Variants in TRIO observed in about 807,000 individuals in gnomAD.
The protein encoded by TRIO is trio Rho guanine nucleotide exchange factor.
Under a neutral mutation model 351.9 loss-of-function variants are expected in TRIO, and 58 were observed. That is an observed-to-expected ratio of 0.16 (90% CI 0.13 to 0.21). The LOEUF (loss-of-function observed/expected upper bound fraction) is 0.21. Ranked by LOEUF, TRIO falls within the 10% of genes least tolerant of loss-of-function variation. The pLI, the probability that TRIO is intolerant of heterozygous loss-of-function variation, is 1.00. For missense variants in TRIO, 3,201 were observed against 4,027.8 expected, an observed-to-expected ratio of 0.79 and a Z score of 5.56; for synonymous variants, 1,758 against 1,595.7, an observed-to-expected ratio of 1.10 and a Z score of -2.42.
At chr5:14,364,613 C>T (rs767253370) in intron 14 of TRIO, 37 bp from the exon 15 acceptor site, 1 of 1,576,602 alleles carries the variant, frequency 6.3e-7, no homozygotes, top group East Asian at 2.3e-5. Flanking sequence ...GGTTGAAGTG[C>T]TAGCTGAATT....
chr5:14,164,867 C>T (rs946599341), intron 1 of TRIO, among the ~76,000 whole-genome samples: 1 of 152,162 alleles, frequency 6.6e-6, no homozygotes, highest in Non-Finnish European at 1.5e-5. Context: ...CTAAGTGTTG[C>T]TGTCATTTTG....
At chr5:14,160,419 T>C (rs963498600) in intron 1 of TRIO, among the ~76,000 whole-genome samples, 6 of 152,218 alleles carry the variant, frequency 3.9e-5, no homozygotes, top group Admixed American at 3.9e-4. Flanking sequence ...CATTATTTAA[T>C]ATACATGACA....
chr5:14,393,887 T>C (rs1246010671), intron 27 of TRIO, 151 bp from the exon 28 acceptor site: 1 of 471,808 alleles, frequency 2.1e-6, no homozygotes, highest in South Asian at 6.2e-5. Flanking sequence ...TGTTAATAAT[T>C]TAAAAGCCTC....
chr5:14,379,340 G>A (rs1245562394), intron 20 of TRIO, among the ~76,000 whole-genome samples: 1 of 152,222 alleles, frequency 6.6e-6, no homozygotes, highest in Non-Finnish European at 1.5e-5. Context: ...TCTTAGCAGA[G>A]GTTTCCCACT....
At chr5:14,187,997 GT>G (rs1790228760) in intron 1 of TRIO, among the ~76,000 whole-genome samples, 1 of 152,204 alleles carries the variant, frequency 6.6e-6, no homozygotes. Flanking sequence ...AAACCCGGAT[GT>G]CTTTGCTTTT....
At chr5:14,216,928 C>T (rs1439164358) in intron 1 of TRIO, among the ~76,000 whole-genome samples, 2 of 152,198 alleles carry the variant, frequency 1.3e-5, no homozygotes, top group African/African-American at 4.8e-5. Flanking sequence ...AATCTAGCAG[C>T]CTGGCCAGAG....
chr5:14,309,655 A>G (rs1355749525), intron 8 of TRIO, among the ~76,000 whole-genome samples: 1 of 152,198 alleles, frequency 6.6e-6, no homozygotes, highest in Non-Finnish European at 1.5e-5. Context: ...CATGCTGAGC[A>G]GCACTCCTGA....
At chr5:14,495,061 G>A (rs1386707268) in intron 49 of TRIO, among the ~76,000 whole-genome samples, 1 of 152,224 alleles carries the variant, frequency 6.6e-6, no homozygotes, top group Non-Finnish European at 1.5e-5. Flanking sequence ...GAGAAGGTCA[G>A]AATGTTAACA....
Position 14,374,285 on chromosome 5 carries a change from C to G in TRIO, c.3273C>G (p.Asn1091Lys). The G allele has an allele frequency of 6.2e-7, 1 of 1,613,766 alleles. No homozygotes were observed. Among genetic ancestry groups the G allele is most frequent in the Non-Finnish European group, 8.5e-7 (1 of 1,179,800 alleles). The change falls in exon 19 of 57, where the codon AAC becomes AAG. Residue 1091 changes from asparagine to lysine, a missense_variant. By Grantham distance (94) the Asn-to-Lys change is moderately conservative. Around this residue, in one of 19 missense-constraint regions of TRIO, gnomAD observed 201 missense variants for 266.5 expected, o/e 0.75. Coordinates refer to ENST00000344204, the MANE Select transcript of TRIO (RefSeq NM_007118.4). Reference sequence around the variant, plus strand: ...TCTTCCTGAAATACCTGCACAGGAACAGCGTGAACATGCCAGGAATGGTGA... The same window carrying G: ...TCTTCCTGAAATACCTGCACAGGAAGAGCGTGAACATGCCAGGAATGGTGA... ...ADVFLKYLHR[N>K]SVNMPGMVTH... is the part of the protein sequence containing the mutation.
At chr5:14,341,905 C>A (rs1411840143) in intron 11 of TRIO, among the ~76,000 whole-genome samples, 2 of 152,220 alleles carry the variant, frequency 1.3e-5, no homozygotes, top group African/African-American at 4.8e-5. Context: ...TGCAAACTTA[C>A]ACACTGAACT....
intron 1 of TRIO, among the ~76,000 whole-genome samples, chr5:14,238,405 C>T (rs1372298204): frequency 6.6e-6 from 1 of 152,176 alleles, no homozygotes. Context: ...TAAGTAAACT[C>T]GAAGCCAAGT....
In TRIO at chr5:14,509,539, TATG is replaced by T; in HGVS notation, c.*1118_*1120del. 1 of 377,752 alleles carries T rather than the reference TATG, an allele frequency of 2.6e-6. No homozygotes were observed. Among genetic ancestry groups the T allele is most frequent in the Non-Finnish European group, 5.2e-6 (1 of 193,454 alleles). The allele number at this position is 377,752 out of a possible 1,614,324, so 23.4% of individuals were successfully genotyped here. Reference sequence around the variant, plus strand: ...AATAGGGTAATGTTTTAAAATTTATTATGCTATTATTCAGAATGCCAAAGTATT... The same window carrying T: ...AATAGGGTAATGTTTTAAAATTTATTCTATTATTCAGAATGCCAAAGTATT... On this transcript the variant is annotated 3_prime_UTR_variant, in exon 57 of 57. Coordinates refer to ENST00000344204, the MANE Select transcript of TRIO (RefSeq NM_007118.4).
chr5:14,481,747 T>C, intron 45 of TRIO, 129 bp downstream of exon 45: 1 of 478,698 alleles, frequency 2.1e-6, no homozygotes, highest in Non-Finnish European at 3.7e-6. Flanking sequence ...TCACTTTACC[T>C]CAATCTGATT....
intron 1 of TRIO, among the ~76,000 whole-genome samples, chr5:14,259,643 C>G (rs1795228297): frequency 6.6e-6 from 1 of 152,188 alleles, no homozygotes; most frequent in Non-Finnish European, 1.5e-5. Flanking sequence ...GACAGTTGGA[C>G]AGGTATGGCC....
chr5:14,176,831 AAG>A, intron 1 of TRIO, among the ~76,000 whole-genome samples: 1 of 152,352 alleles, frequency 6.6e-6, no homozygotes, highest in East Asian at 1.9e-4. Flanking sequence ...AGTAAATGGA[AAG>A]AGCCAAAACA....
At chr5:14,448,062 C>T (rs529242947) in intron 34 of TRIO, among the ~76,000 whole-genome samples, 10 of 152,346 alleles carry the variant, frequency 6.6e-5, no homozygotes, top group South Asian at 4.1e-4. Flanking sequence ...GGGAGAACTT[C>T]GGTATCCCTC....
At chr5:14,440,723 C>T (rs1751960116) in intron 34 of TRIO, 2 of 152,104 alleles carry the variant, frequency 1.3e-5, no homozygotes, top group African/African-American at 4.8e-5. Context: ...CAAGTCACAT[C>T]AGGAGGTGCT....
chr5:14,375,207 A>G (rs1374269368), intron 19 of TRIO, among the ~76,000 whole-genome samples: 2 of 152,190 alleles, frequency 1.3e-5, no homozygotes, highest in Non-Finnish European at 2.9e-5. Flanking sequence ...TTCTGGAAAA[A>G]TGTGCAACTC....
chr5:14,397,049 C>T lies in TRIO; in HGVS notation c.4318C>T (p.Leu1440=). 6 of 1,603,160 alleles carry T rather than the reference C, an allele frequency of 3.7e-6. No homozygotes were observed. Among genetic ancestry groups the T allele is most frequent in the Non-Finnish European group, 5.1e-6 (6 of 1,175,822 alleles). The change falls in exon 29 of 57, where the codon CTG becomes TTG. Residue 1440 remains leucine, a synonymous_variant. Transcript: ENST00000344204. ...TKYQLLLKEL[L]TCCEEGKGEI... ...CTGTTGTTTATCTTTGCAGGAGCTG[C>T]TGACGTGCTGTGAGGAAGGAAAGGG...
Sources: allele counts gnomAD v4.1 joint callset (sites outside exome capture counted in the v4.1 genomes callset), GRCh38; gene constraint gnomAD v4.1.1; regional missense constraint gnomAD v4.1.1; transcripts MANE v1.5; gene names NCBI Gene and HGNC (gene_info 2026-07-23, HGNC 2026-07-21).